Variants in BLOC1S5 observed in about 807,000 individuals in gnomAD.
BLOC1S5 encodes biogenesis of lysosome-related organelles complex 1 subunit 5.
BLOC1S5 carries 27 observed loss-of-function variants against 24.3 expected under a neutral mutation model. That is an observed-to-expected ratio of 1.11 (90% CI 0.82 to 1.53). BLOC1S5 has a LOEUF of 1.53. BLOC1S5 is among the 40% of genes most tolerant of loss of function. The pLI is 0.00. For synonymous variants in BLOC1S5, 84 were observed against 74.5 expected, an observed-to-expected ratio of 1.13 and a Z score of -0.66; for missense variants, 239 against 229.4, an observed-to-expected ratio of 1.04 and a Z score of -0.27.
At chr6:8,017,857 G>C (rs1447626013) in intron 4 of BLOC1S5, 1 of 152,178 alleles carries the variant, frequency 6.6e-6, no homozygotes, top group Non-Finnish European at 1.5e-5. Context: ...CTATCACAGA[G>C]TGCAAATCAG....
rs1261928439 is a variant in BLOC1S5 at position 8,014,119 on chromosome 6, G to T, written c.*1530C>A. The T allele has an allele frequency of 1.3e-5, 2 of 152,086 alleles. No individual in the cohort carries two copies. Among genetic ancestry groups the T allele is most frequent in the Non-Finnish European group, 2.9e-5 (2 of 68,030 alleles). 9.4% of individuals were successfully genotyped at this position (152,086 alleles called of 1,614,324 possible). A position where few individuals can be genotyped will look rare whatever the true frequency, so the allele number is the denominator to read the frequency against. The stretch of plus-strand genomic sequence containing the variant: ...ACACTGAGATAACACAAGAGAGCTG[G>T]ATATTTTCTTTCTTGTGCCTTTCTT... On this transcript the variant is annotated 3_prime_UTR_variant, in exon 5 of 5. Transcript: ENST00000397457.
At chr6:8,037,823 C>T (rs576577026) in intron 3 of BLOC1S5, among the ~76,000 whole-genome samples, 19 of 152,232 alleles carry the variant, frequency 1.2e-4, no homozygotes, top group Admixed American at 2.0e-4. Context: ...TATAAACTCA[C>T]ACATTTATAG....
chr6:8,043,593 A>C (rs2113568548), intron 2 of BLOC1S5, among the ~76,000 whole-genome samples: 1 of 152,342 alleles, frequency 6.6e-6, no homozygotes, highest in African/African-American at 2.4e-5. Flanking sequence ...CATTCAATGC[A>C]ATGTGGTACC....
At position 8,064,274 on chromosome 6, in the gene BLOC1S5, T is replaced by C. The variant is rs758067442; in HGVS notation, c.103A>G (p.Ile35Val). 1.9e-6 allele frequency: 3 copies of C among 1,613,282 alleles called. No homozygotes were observed. Among genetic ancestry groups the C allele is most frequent in the Non-Finnish European group, 1.7e-6 (2 of 1,179,568 alleles). ...CCCTGACACTCCGTACCCTTGATAA[T>C]GAGGTGCGCTGAGCCCGCAGTCCCC... ...SLGTAGSAHL[I>V]IKDLGEIHSR... Residue 35 changes from isoleucine to valine, a missense_variant, in exon 1 of 5, where the codon ATT becomes GTT. By Grantham distance (29) the Ile-to-Val change is conservative (BLOSUM62 3). Coordinates refer to ENST00000397457, the MANE Select transcript of BLOC1S5 (RefSeq NM_201280.3).
chr6:8,027,918 A>G (rs1005110831), intron 3 of BLOC1S5, among the ~76,000 whole-genome samples: 1 of 151,718 alleles, frequency 6.6e-6, no homozygotes. Flanking sequence ...TCCTTTCCTT[A>G]TTTCTTTCCA....
chr6:8,044,156 T>C (rs1478213917), intron 2 of BLOC1S5, among the ~76,000 whole-genome samples: 3 of 151,870 alleles, frequency 2.0e-5, no homozygotes, highest in East Asian at 1.9e-4. Context: ...TGGTGGTGCA[T>C]GCCTGTAATC....
In BLOC1S5 at chr6:8,014,593, G is replaced by A. The variant is rs1482860919; in HGVS notation, c.*1056C>T. 1 of 152,062 alleles carries A rather than the reference G, an allele frequency of 6.6e-6. No homozygotes were observed. Among genetic ancestry groups the A allele is most frequent in the Non-Finnish European group, 1.5e-5 (1 of 68,006 alleles). 9.4% of individuals were successfully genotyped at this position (152,062 alleles called of 1,614,324 possible). On this transcript the variant is annotated 3_prime_UTR_variant, in exon 5 of 5. Transcript: ENST00000397457. ...CCAGCCTCAAATTAGACTGTTAAAT[G>A]CAGGTTTTTAAAGATCACAGTGATG...
rs1762701915 is a variant in BLOC1S5, at chr6:8,015,559, G to C, written c.*90C>G. The C allele has an allele frequency of 7.7e-7, 1 of 1,301,666 alleles. No homozygotes were observed. The highest frequency in any genetic ancestry group is 1.5e-5 in the African/African-American group (1 of 67,302). The allele number at this position is 1,301,666 out of a possible 1,614,324, so 80.6% of individuals were successfully genotyped here. On this transcript the variant is annotated 3_prime_UTR_variant, in exon 5 of 5. Coordinates refer to ENST00000397457, the MANE Select transcript of BLOC1S5 (RefSeq NM_201280.3). ...TGCCACTGAATATATTGCTAAGCTT[G>C]AAGCAGAGGCTAAACGGTCTGGTGG...
At chr6:8,029,738 C>T (rs571803207) in intron 3 of BLOC1S5, among the ~76,000 whole-genome samples, 1 of 152,302 alleles carries the variant, frequency 6.6e-6, no homozygotes, top group South Asian at 2.1e-4. Context: ...GGACCTCCCC[C>T]ATTCAAGATG....
At chr6:8,031,597 TC>T (rs1763300498) in intron 3 of BLOC1S5, among the ~76,000 whole-genome samples, 1 of 148,722 alleles carries the variant, frequency 6.7e-6, no homozygotes, top group African/African-American at 2.5e-5. Context: ...TTATCAATAT[TC>T]ACAGCACTAG....
rs773908741 is a variant in BLOC1S5 at position 8,041,287 on chromosome 6, T to C, written c.196-19A>G. 17 of 1,530,496 alleles carry C rather than the reference T, an allele frequency of 1.1e-5. No homozygotes were observed. The highest frequency in any genetic ancestry group is 1.4e-5 in the Non-Finnish European group (16 of 1,123,234). 94.8% of individuals were successfully genotyped at this position (1,530,496 alleles called of 1,614,324 possible). ...GTTTTTCCTATTAAAAGAAAGTAGA[T>C]GACTAATAAATATGGTGTCTTTTCC... is the stretch of plus-strand genomic sequence containing the variant. On this transcript the variant is annotated intron_variant, in intron 2 of 4. Coordinates refer to ENST00000397457, the MANE Select transcript of BLOC1S5 (RefSeq NM_201280.3).
chr6:8,022,592 CTTTTTTTTTT>C (rs1762958289), intron 4 of BLOC1S5, among the ~76,000 whole-genome samples: 1 of 92,152 alleles, frequency 1.1e-5, no homozygotes, highest in African/African-American at 4.6e-5. Flanking sequence ...TTTTTTTTTT[CTTTTTTTTTT>C]GAGACGGAGT....
At chr6:8,042,776 T>TCAGAAC (rs1172004418) in intron 2 of BLOC1S5, among the ~76,000 whole-genome samples, 1 of 152,236 alleles carries the variant, frequency 6.6e-6, no homozygotes, top group Non-Finnish European at 1.5e-5. Context: ...ATGTGATTAA[T>TCAGAAC]GTTGAATACC....
At chr6:8,027,500 T>C (rs779477273) in intron 3 of BLOC1S5, 92 of 451,468 alleles carry the variant, frequency 2.0e-4, no homozygotes, top group Admixed American at 4.3e-4. Flanking sequence ...ATCATTTCAA[T>C]ATTAATAATG....
At chr6:8,042,421 C>G (rs1300961312) in intron 2 of BLOC1S5, among the ~76,000 whole-genome samples, 1 of 152,210 alleles carries the variant, frequency 6.6e-6, no homozygotes, top group African/African-American at 2.4e-5. Flanking sequence ...AAGGTTGGCC[C>G]TGGCTGGGGG....
chr6:8,061,758 G>A (rs773541655), intron 2 of BLOC1S5, among the ~76,000 whole-genome samples: 1 of 152,224 alleles, frequency 6.6e-6, no homozygotes, highest in Non-Finnish European at 1.5e-5. Flanking sequence ...ACAGCAGTTT[G>A]AGAAGTTACT....
chr6:8,025,034 C>T (rs993605469), intron 4 of BLOC1S5, among the ~76,000 whole-genome samples: 2 of 152,180 alleles, frequency 1.3e-5, no homozygotes, highest in African/African-American at 4.8e-5. Flanking sequence ...ACAAGAGAAA[C>T]TCTTCAAATT....
chr6:8,023,911 C>T (rs1242476202), intron 4 of BLOC1S5, among the ~76,000 whole-genome samples: 1 of 151,770 alleles, frequency 6.6e-6, no homozygotes, highest in Non-Finnish European at 1.5e-5. Context: ...GAAGAAGCTA[C>T]ATATGGCAGT....
intron 3 of BLOC1S5, 115 bp downstream of exon 3, chr6:8,041,024 C>T: frequency 8.2e-7 from 1 of 1,225,014 alleles, no homozygotes; most frequent in Admixed American, 2.6e-5. Flanking sequence ...ACCACTTTCT[C>T]TGTAACTGAG....
Sources: allele counts gnomAD v4.1 joint callset (sites outside exome capture counted in the v4.1 genomes callset), GRCh38; gene constraint gnomAD v4.1.1; transcripts MANE v1.5; gene names NCBI Gene and HGNC (gene_info 2026-07-23, HGNC 2026-07-21).